CERT1: variants seen among roughly 807,000 people sequenced by gnomAD.
CERT1 encodes ceramide transporter 1, also known as ceramide transfer protein.
Under a neutral mutation model 87.9 loss-of-function variants are expected in CERT1, and 31 were observed. The observed-to-expected ratio is 0.35, with a 90% CI of 0.27 to 0.48. CERT1 has a LOEUF of 0.48. CERT1 is among the 20% of genes least tolerant of loss of function. The pLI, the probability that CERT1 is intolerant of heterozygous loss-of-function variation, is 0.99. For synonymous variants in CERT1, 289 were observed against 250.9 expected (o/e 1.15, Z -1.44); for missense variants, 487 against 758.0 (o/e 0.64, Z 4.20).
At chr5:75,437,703 T>C (rs1370328340) in intron 3 of CERT1, among the ~76,000 whole-genome samples, 3 of 148,426 alleles carry the variant, frequency 2.0e-5, no homozygotes, top group Non-Finnish European at 4.5e-5. Context: ...GAGGCAGAGG[T>C]TGCAGTAAGC....
intron 2 of CERT1, among the ~76,000 whole-genome samples, chr5:75,496,285 T>TAA (rs769610257): frequency 4.9e-5 from 6 of 123,096 alleles, no homozygotes; most frequent in East Asian, 2.3e-4. Context: ...TGGTTAAGAT[T>TAA]AAAAAAAAAA....
intron 5 of CERT1, 33 bp downstream of exon 5, chr5:75,425,328 C>T (rs1763568961): frequency 2.5e-6 from 4 of 1,591,446 alleles, no homozygotes; most frequent in Non-Finnish European, 3.4e-6. Flanking sequence ...CATTCATTCT[C>T]CAAGTAAAAA....
At chr5:75,450,800 C>T (rs948181139) in intron 3 of CERT1, among the ~76,000 whole-genome samples, 15 of 152,302 alleles carry the variant, frequency 9.8e-5, no homozygotes, top group African/African-American at 3.6e-4. Context: ...CTTCCCACCC[C>T]TTCCAAGTTT....
chr5:75,508,518 A>G (rs1767765538), intron 1 of CERT1, among the ~76,000 whole-genome samples: 1 of 152,182 alleles, frequency 6.6e-6, no homozygotes, highest in South Asian at 2.1e-4. Flanking sequence ...TATTAGCTGT[A>G]TCATGACACC....
intron 12 of CERT1, among the ~76,000 whole-genome samples, chr5:75,387,025 G>A (rs911329966): frequency 9.9e-5 from 15 of 151,986 alleles, no homozygotes; most frequent in Admixed American, 2.6e-4. Context: ...CTGCCACTAC[G>A]CCCAGCTAAT....
At chr5:75,411,367 G>T (rs890962344) in intron 7 of CERT1, among the ~76,000 whole-genome samples, 1 of 152,190 alleles carries the variant, frequency 6.6e-6, no homozygotes, top group Non-Finnish European at 1.5e-5. Flanking sequence ...AGGCTGGAGT[G>T]CAATGGCATG....
chr5:75,445,528 T>C (rs1390615607), intron 3 of CERT1, among the ~76,000 whole-genome samples: 2 of 152,174 alleles, frequency 1.3e-5, no homozygotes, highest in Non-Finnish European at 2.9e-5. Flanking sequence ...GACTTGCTAT[T>C]TTGCCAGGCT....
chr5:75,490,490 G>A (rs1036713460), intron 2 of CERT1, among the ~76,000 whole-genome samples: 5 of 148,694 alleles, frequency 3.4e-5, no homozygotes, highest in African/African-American at 4.9e-5. Context: ...ACACCTGTAC[G>A]AAATTTTTAT....
chr5:75,493,846 T>TA (rs1319304999), intron 2 of CERT1, among the ~76,000 whole-genome samples: 2 of 152,048 alleles, frequency 1.3e-5, no homozygotes, highest in African/African-American at 4.8e-5. Flanking sequence ...TTACTACCTT[T>TA]AAAAAAACAA....
At chr5:75,495,536 C>G (rs1436545633) in intron 2 of CERT1, among the ~76,000 whole-genome samples, 1 of 151,418 alleles carries the variant, frequency 6.6e-6, no homozygotes, top group Non-Finnish European at 1.5e-5. Flanking sequence ...CCAGCCTGGG[C>G]AACAGACTGA....
At chr5:75,393,041 C>A (rs376416297) in intron 11 of CERT1, among the ~76,000 whole-genome samples, 165 of 33,638 alleles carry the variant, frequency 4.9e-3, no homozygotes, top group African/African-American at 0.014. Context: ...AAAAAAAAAA[C>A]AAAAACAAAA....
At chr5:75,409,180 A>G (rs1762831208) in intron 8 of CERT1, among the ~76,000 whole-genome samples, 1 of 152,184 alleles carries the variant, frequency 6.6e-6, no homozygotes, top group Non-Finnish European at 1.5e-5. Context: ...TAGCAAAATA[A>G]TTTGTTTAGT....
intron 3 of CERT1, among the ~76,000 whole-genome samples, chr5:75,450,848 T>C (rs564427393): frequency 1.6e-4 from 24 of 152,196 alleles, no homozygotes; most frequent in Non-Finnish European, 2.6e-4. Context: ...ATGCCTCACA[T>C]GTATTGTTGA....
At chr5:75,401,257 AT>A (rs1462050014) in intron 9 of CERT1, 3 of 152,148 alleles carry the variant, frequency 2.0e-5, no homozygotes, top group Admixed American at 6.5e-5. Flanking sequence ...CCCCATGAAT[AT>A]TTCTTTTTCT....
rs769552154 is a variant in CERT1, at chr5:75,511,193, C to T, written c.15G>A (p.Gln5=). The change falls in exon 1 of 17, where the codon CAG becomes CAA. Residue 5 remains glutamine (Q), a synonymous_variant. Coordinates refer to ENST00000643780, the MANE Select transcript of CERT1 (RefSeq NM_001379029.1). The part of the protein sequence containing the change: MSDN[Q]SWNSSGSEED... Reference sequence around the variant, plus strand: ...CCTCCGAGCCCGACGAGTTCCAGCTCTGATTATCCGACATGGAGGCTCGAC... The same window carrying T: ...CCTCCGAGCCCGACGAGTTCCAGCTTTGATTATCCGACATGGAGGCTCGAC... 6.2e-7 allele frequency: 1 copy of T among 1,613,178 alleles called. No homozygotes were observed. Among genetic ancestry groups the T allele is most frequent in the South Asian group, 1.1e-5 (1 of 91,068 alleles).
intron 5 of CERT1, among the ~76,000 whole-genome samples, chr5:75,420,880 T>C (rs1467425894): frequency 6.6e-6 from 1 of 152,162 alleles, no homozygotes; most frequent in Non-Finnish European, 1.5e-5. Context: ...TGGAGTGCAG[T>C]GGCACAATCT....
At chr5:75,509,048 T>A (rs1030596760) in intron 1 of CERT1, among the ~76,000 whole-genome samples, 1 of 152,188 alleles carries the variant, frequency 6.6e-6, no homozygotes, top group Admixed American at 6.5e-5. Flanking sequence ...AAGTGATTTA[T>A]AAGAAATATG....
intron 2 of CERT1, among the ~76,000 whole-genome samples, chr5:75,494,338 G>A (rs913347039): frequency 1.5e-4 from 23 of 152,278 alleles, no homozygotes; most frequent in African/African-American, 5.5e-4. Flanking sequence ...GCAACCTCCT[G>A]TCCTGAGGAT....
chr5:75,497,589 G>C (rs767074853), intron 2 of CERT1, among the ~76,000 whole-genome samples: 3 of 152,020 alleles, frequency 2.0e-5, no homozygotes, highest in Non-Finnish European at 4.4e-5. Flanking sequence ...TCATGGGGGC[G>C]ATGGTTTTAT....
Sources: allele counts gnomAD v4.1 joint callset (sites outside exome capture counted in the v4.1 genomes callset), GRCh38; gene constraint gnomAD v4.1.1; transcripts MANE v1.5; gene names NCBI Gene and HGNC (gene_info 2026-07-23, HGNC 2026-07-21).